Variants in COG7 observed in about 807,000 individuals in gnomAD.
The protein encoded by COG7 is conserved oligomeric Golgi complex subunit 7.
In COG7, 49 loss-of-function variants were observed where a neutral mutation model predicts 91.5. The ratio of observed to expected loss-of-function variants is 0.54; its 90% confidence interval spans 0.43 to 0.68. The LOEUF (loss-of-function observed/expected upper bound fraction) is 0.68, where lower values mean the gene tolerates loss of function less well. Ranked by LOEUF, COG7 falls within the 30% of genes least tolerant of loss-of-function variation. The probability of loss-of-function intolerance (pLI) is 0.00; values close to 1 mark genes in which losing one functional copy is unlikely to be tolerated. For synonymous variants in COG7, 365 were observed against 388.7 expected (o/e 0.94, Z 0.72); for missense variants, 895 against 961.3 (o/e 0.93, Z 0.91).
intron 12 of COG7, among the ~76,000 whole-genome samples, chr16:23,404,176 G>A (rs1372768865): frequency 6.6e-6 from 1 of 152,266 alleles, no homozygotes; most frequent in Non-Finnish European, 1.5e-5. Flanking sequence ...GATAGAGGAG[G>A]TGGGAAAGAG....
chr16:23,403,582 A>T, intron 13 of COG7, 112 bp downstream of exon 13: 1 of 1,376,510 alleles, frequency 7.3e-7, no homozygotes, highest in Non-Finnish European at 1.0e-6. Context: ...TGGGAAAGTT[A>T]AAGCGGGATC....
At chr16:23,398,829 C>G (rs546662781) in intron 13 of COG7, among the ~76,000 whole-genome samples, 1 of 152,334 alleles carries the variant, frequency 6.6e-6, no homozygotes, top group African/African-American at 2.4e-5. Flanking sequence ...AGAACCTCAG[C>G]ACTAACACGT....
intron 8 of COG7, 137 bp from the exon 9 acceptor site, chr16:23,417,258 T>G: frequency 1.1e-6 from 1 of 882,274 alleles, no homozygotes; most frequent in Non-Finnish European, 1.8e-6. Flanking sequence ...AACGTTTGAA[T>G]GCTTCTCTAG....
At chr16:23,447,207 C>T (rs898369312) in intron 1 of COG7, 1 of 151,856 alleles carries the variant, frequency 6.6e-6, no homozygotes, top group Admixed American at 6.6e-5. Flanking sequence ...AAATTAAATT[C>T]ACACTCTATT....
Position 23,410,243 on chromosome 16 carries a change from C to T in COG7, c.1475+52G>A, listed in dbSNP as rs771182517. ...GCTGTACTGTGTACTAGACCAAGCTCGTGCTGATCAGGAACCCCAGGGTGT... is the reference window on the plus strand; with the variant it reads ...GCTGTACTGTGTACTAGACCAAGCTTGTGCTGATCAGGAACCCCAGGGTGT... On this transcript the variant is annotated intron_variant, in intron 11 of 16. Transcript: ENST00000307149. 1.0e-4 allele frequency: 149 copies of T among 1,483,600 alleles called. 2 individuals carry two copies. The highest frequency in any genetic ancestry group is 8.5e-5 in the Admixed American group (5 of 58,884). The allele number at this position is 1,483,600 out of a possible 1,614,324, so 91.9% of individuals were successfully genotyped here. A position where few individuals can be genotyped will look rare whatever the true frequency, so the allele number is the denominator to read the frequency against.
chr16:23,444,177 G>C (rs1173224744), intron 3 of COG7, among the ~76,000 whole-genome samples: 1 of 151,724 alleles, frequency 6.6e-6, no homozygotes, highest in East Asian at 1.9e-4. Flanking sequence ...GGACTAAGGT[G>C]GGGGTCAGGG....
intron 4 of COG7, among the ~76,000 whole-genome samples, chr16:23,437,259 C>T (rs924963506): frequency 6.6e-6 from 1 of 152,100 alleles, no homozygotes; most frequent in Non-Finnish European, 1.5e-5. Context: ...AATCCAACAC[C>T]AGCTCCCAGA....
intron 6 of COG7, among the ~76,000 whole-genome samples, chr16:23,431,545 C>T (rs1567342835): frequency 6.6e-6 from 1 of 152,136 alleles, no homozygotes; most frequent in Non-Finnish European, 1.5e-5. Flanking sequence ...CACAGTGGCT[C>T]ATGCCTGTAA....
intron 7 of COG7, among the ~76,000 whole-genome samples, chr16:23,423,960 C>T (rs1963802247): frequency 6.6e-6 from 1 of 152,208 alleles, no homozygotes; most frequent in Non-Finnish European, 1.5e-5. Flanking sequence ...CACCTGTAGT[C>T]CTAACACAGC....
intron 4 of COG7, among the ~76,000 whole-genome samples, chr16:23,436,181 CACTGCA>C (rs1384345634): frequency 6.6e-6 from 1 of 152,144 alleles, no homozygotes; most frequent in East Asian, 1.9e-4. Context: ...GTGATCACAT[CACTGCA>C]CTTCAGCCTG....
intron 13 of COG7, among the ~76,000 whole-genome samples, chr16:23,399,027 G>A (rs999448547): frequency 2.6e-5 from 4 of 152,096 alleles, no homozygotes; most frequent in African/African-American, 9.7e-5. Flanking sequence ...GGAAAACAAG[G>A]CCCTTTCTGG....
intron 13 of COG7, among the ~76,000 whole-genome samples, chr16:23,402,909 G>C (rs1963401072): frequency 6.6e-6 from 1 of 152,232 alleles, no homozygotes; most frequent in Admixed American, 6.5e-5. Context: ...GCTTTCTAGA[G>C]GGTGGCAGAA....
At chr16:23,394,044 A>G (rs1239956864) in intron 14 of COG7, among the ~76,000 whole-genome samples, 1 of 149,226 alleles carries the variant, frequency 6.7e-6, no homozygotes, top group Non-Finnish European at 1.5e-5. Context: ...AAAAAAAAAG[A>G]GACTCTGTCT....
chr16:23,439,483 T>C (rs913889022), intron 4 of COG7, among the ~76,000 whole-genome samples: 4 of 152,144 alleles, frequency 2.6e-5, no homozygotes, highest in Admixed American at 6.6e-5. Flanking sequence ...AACAGATGAA[T>C]AGATAGAGAA....
At chr16:23,442,738 A>C in intron 3 of COG7, 93 bp from the exon 4 acceptor site, 1 of 1,157,912 alleles carries the variant, frequency 8.6e-7, no homozygotes, top group East Asian at 2.3e-5. Flanking sequence ...CAACTCATCA[A>C]GTATGAAAAT....
intron 1 of COG7, among the ~76,000 whole-genome samples, chr16:23,448,138 C>T (rs959113901): frequency 6.6e-6 from 1 of 152,060 alleles, no homozygotes; most frequent in African/African-American, 2.4e-5. Flanking sequence ...AGACTTGGGC[C>T]CTTGTCTCAT....
chr16:23,449,352 G>A (rs958927047), intron 1 of COG7, among the ~76,000 whole-genome samples: 1 of 143,754 alleles, frequency 7.0e-6, no homozygotes, highest in Non-Finnish European at 1.5e-5. Flanking sequence ...GACAGAGCGA[G>A]ACTCCATCTC....
At chr16:23,452,099 G>A (rs1964274499) in intron 1 of COG7, among the ~76,000 whole-genome samples, 1 of 152,234 alleles carries the variant, frequency 6.6e-6, no homozygotes, top group Admixed American at 6.5e-5. Flanking sequence ...ATTCTGGAAG[G>A]TGCCTCAACA....
At position 23,433,539 on chromosome 16, in the gene COG7, T is replaced by C. The variant is rs1383137022; in HGVS notation, c.810+6A>G. 3 of 1,613,232 alleles carry C rather than the reference T, an allele frequency of 1.9e-6. No individual in the cohort carries two copies. The highest frequency in any genetic ancestry group is 1.3e-5 in the African/African-American group (1 of 74,260). ...TGTTCTCCCTAGAACAAAAATGAGC[T>C]GTTACCTGTGTAGCCCACTGGATTT... On this transcript the variant is annotated splice_donor_region_variant and intron_variant, in intron 6 of 16. Coordinates refer to ENST00000307149, the MANE Select transcript of COG7 (RefSeq NM_153603.4).
Sources: gnomAD v4.1 joint callset for allele counts (sites outside exome capture counted in the v4.1 genomes callset) on GRCh38, gnomAD v4.1.1 for gene constraint, MANE v1.5 for transcripts, NCBI Gene and HGNC (gene_info 2026-07-23, HGNC 2026-07-21) for gene names.